Variants in SH2D4B observed in about 807,000 individuals in gnomAD.
SH2D4B encodes SH2 domain-containing protein 4B.
Under a neutral mutation model 61.5 loss-of-function variants are expected in SH2D4B, and 45 were observed. That is an observed-to-expected ratio of 0.73 (90% CI 0.58 to 0.94). The LOEUF (loss-of-function observed/expected upper bound fraction) is 0.94, where lower values mean the gene tolerates loss of function less well. Among genes scored for constraint, SH2D4B ranks in the 40% least tolerant of loss-of-function variants. The probability of loss-of-function intolerance (pLI) is 0.00; values close to 1 mark genes in which losing one functional copy is unlikely to be tolerated. For missense variants in SH2D4B, 572 were observed against 574.2 expected (o/e 1.00, Z 0.04); for synonymous variants, 224 against 220.4 (o/e 1.02, Z -0.14).
intron 4 of SH2D4B, among the ~76,000 whole-genome samples, chr10:80,590,535 C>T (rs1196201358): frequency 6.6e-6 from 1 of 152,082 alleles, no homozygotes; most frequent in Admixed American, 6.5e-5. Flanking sequence ...AGGCTAGTGA[C>T]GCGATCTGGC....
At chr10:80,563,045 G>A (rs111795678) in intron 1 of SH2D4B, among the ~76,000 whole-genome samples, 1 of 151,306 alleles carries the variant, frequency 6.6e-6, no homozygotes, top group South Asian at 2.1e-4. Context: ...GGGACTACAG[G>A]CGCCTGCCAC....
intron 1 of SH2D4B, among the ~76,000 whole-genome samples, chr10:80,549,299 G>A (rs1221478262): frequency 6.6e-6 from 1 of 152,008 alleles, no homozygotes; most frequent in Admixed American, 6.6e-5. Flanking sequence ...GCTGGGGCCA[G>A]ACCTTTCTGT....
intron 1 of SH2D4B, among the ~76,000 whole-genome samples, chr10:80,568,568 C>G (rs1262012132): frequency 2.0e-5 from 3 of 152,178 alleles, no homozygotes; most frequent in Non-Finnish European, 4.4e-5. Context: ...ACCATAAGAA[C>G]TTCACAGAGC....
intron 1 of SH2D4B, among the ~76,000 whole-genome samples, chr10:80,566,320 G>A (rs1390606578): frequency 1.4e-5 from 2 of 139,218 alleles, no homozygotes; most frequent in Non-Finnish European, 3.1e-5. Flanking sequence ...TTTTGAGACC[G>A]AGTCTCACTC....
In SH2D4B at chr10:80,609,479, T is replaced by C. The variant is rs1842567771; in HGVS notation, c.916T>C (p.Phe306Leu). 8.1e-6 allele frequency: 13 copies of C among 1,614,124 alleles called. No homozygotes were observed. The highest frequency in any genetic ancestry group is 1.7e-5 in the Admixed American group (1 of 60,026). ...PVSRDVIVRWFKEEQLPRRAG... is the reference protein window; with the variant it reads ...PVSRDVIVRWLKEEQLPRRAG... The stretch of plus-strand genomic sequence containing the variant: ...CTCCAGAGATGTCATCGTCCGCTGG[T>C]TTAAGGAGGAGCAGCTGCCTCGCCG... The change falls in exon 6 of 8, where the codon TTT (phenylalanine) becomes CTT (leucine). Residue 306 changes from phenylalanine (F) to leucine (L), a missense_variant. Transcript: ENST00000646907.
chr10:80,539,287 T>C lies in SH2D4B; in HGVS notation c.184+772T>C, dbSNP rs571242789. Among the ~76,000 whole-genome samples the C allele has an allele frequency of 1.5e-4, 23 of 152,202 alleles. No individual in the cohort carries two copies. The highest frequency in any genetic ancestry group is 2.2e-4 in the African/African-American group (9 of 41,464). ...GCACAGGACTCAATCCTGCCAGGGA[T>C]TGTAGTTTCTGTGGATGCTGCATGC... On this transcript the variant is annotated intron_variant, in intron 1 of 7. Transcript: ENST00000646907. The surrounding 1 kb of genome is among the most constrained non-coding windows in gnomAD (Gnocchi z 4.9).
In SH2D4B at chr10:80,539,844, C is replaced by T. The variant is rs559634994; in HGVS notation, c.184+1329C>T. On this transcript the variant is annotated intron_variant, in intron 1 of 7. Coordinates refer to ENST00000646907, the MANE Select transcript of SH2D4B (RefSeq NM_001388272.1). This position sits in a 1 kb window ranked among gnomAD's most constrained non-coding sequence, Gnocchi z 4.9. Reference sequence around the variant, plus strand: ...TTGTTTTGAACAAGACACAGCAGGACCCTGCCGGGGAGGTTGGGGCAGAGC... The same window carrying T: ...TTGTTTTGAACAAGACACAGCAGGATCCTGCCGGGGAGGTTGGGGCAGAGC... 7.9e-5 allele frequency among the ~76,000 whole-genome samples: 12 copies of T among 152,280 alleles called. No homozygotes were observed. In the South Asian group the frequency reaches 2.5e-3, roughly 32 times the overall value.
At chr10:80,598,579 G>T (rs1341116852) in intron 4 of SH2D4B, among the ~76,000 whole-genome samples, 2 of 152,086 alleles carry the variant, frequency 1.3e-5, no homozygotes, top group East Asian at 1.9e-4. Flanking sequence ...GATATAGTGG[G>T]CCATTAATCT....
At chr10:80,579,137 C>T (rs947670033) in intron 3 of SH2D4B, among the ~76,000 whole-genome samples, 1 of 152,042 alleles carries the variant, frequency 6.6e-6, no homozygotes, top group Non-Finnish European at 1.5e-5. Flanking sequence ...GGTGAAAAGC[C>T]TGGTGATGGA....
rs59438371 is a variant in SH2D4B at position 80,549,203 on chromosome 10, T to TGTGTGTGTGTG, written c.184+10688_184+10689insGTGTGTGTGTG. ...CTCCGAGAGCTGTGATGGGACTTGATTGTGTGTGTGTGTGTGTGTGTGTGT... is the reference window on the plus strand; with the variant it reads ...CTCCGAGAGCTGTGATGGGACTTGATGTGTGTGTGTGTGTGTGTGTGTGTGTGTGTGTGTGT... On this transcript the variant is annotated intron_variant, in intron 1 of 7. Coordinates refer to ENST00000646907, the MANE Select transcript of SH2D4B (RefSeq NM_001388272.1). 3.7e-3 allele frequency among the ~76,000 whole-genome samples: 450 copies of TGTGTGTGTGTG among 120,294 alleles called. 3 individuals are homozygous for TGTGTGTGTGTG. Among genetic ancestry groups the TGTGTGTGTGTG allele is most frequent in the African/African-American group, 0.013 (343 of 25,440 alleles). 78.9% of individuals were successfully genotyped at this position (120,294 alleles called of 152,430 possible). A position where few individuals can be genotyped will look rare whatever the true frequency, so the allele number is the denominator to read the frequency against.
Position 80,538,371 on chromosome 10 carries a change from G to T in SH2D4B, c.40G>T (p.Glu14Ter). 1 of 1,404,580 alleles carries T rather than the reference G, an allele frequency of 7.1e-7. No individual in the cohort carries two copies. The highest frequency in any genetic ancestry group is 9.3e-7 in the Non-Finnish European group (1 of 1,074,116). 87.0% of individuals were successfully genotyped at this position (1,404,580 alleles called of 1,614,324 possible). ...QILHDMYIDP[E>*]LLAELSDVQK... Reference sequence around the variant, plus strand: ...CCTGCACGACATGTACATCGACCCCGAGCTCCTTGCCGAGCTCAGCGATGT... The same window carrying T: ...CCTGCACGACATGTACATCGACCCCTAGCTCCTTGCCGAGCTCAGCGATGT... Residue 14 changes from glutamate (E) to a stop codon, truncating the protein, a stop_gained, in exon 1 of 8, where the codon GAG (glutamate) becomes TAG (stop). Coordinates refer to ENST00000646907, the MANE Select transcript of SH2D4B (RefSeq NM_001388272.1). LOFTEE classifies it high-confidence loss of function. This position sits in a 1 kb window ranked among gnomAD's most constrained non-coding sequence, Gnocchi z 4.8.
At chr10:80,582,911 AG>A (rs376766149) in intron 3 of SH2D4B, among the ~76,000 whole-genome samples, 76 of 152,252 alleles carry the variant, frequency 5.0e-4, no homozygotes, top group Middle Eastern at 3.4e-3. Flanking sequence ...ATCTCAGAGG[AG>A]GGGCCTCTAG....
Position 80,603,601 on chromosome 10 carries a change from T to G in SH2D4B, c.666T>G (p.Asp222Glu), listed in dbSNP as rs781677060. ...CAGTGCGCCGGTCCAAGGCGGCTGA[T>G]GAGGAGAGGAGCCGCCGAGCCCAGC... ...EEQLRRSKAADEERSRRAQRA... is the reference protein window; with the variant it reads ...EEQLRRSKAAEEERSRRAQRA... The change falls in exon 5 of 8, where the codon GAT becomes GAG. Residue 222 changes from aspartate (D) to glutamate (E), a missense_variant. Asp to Glu is a conservative substitution (Grantham distance 45). Transcript: ENST00000646907. 1.3e-6 allele frequency: 2 copies of G among 1,567,876 alleles called. No individual in the cohort carries two copies. Among genetic ancestry groups the G allele is most frequent in the Non-Finnish European group, 1.7e-6 (2 of 1,156,294 alleles).
chr10:80,549,268 C>A (rs1403904755), intron 1 of SH2D4B, among the ~76,000 whole-genome samples: 2 of 150,050 alleles, frequency 1.3e-5, no homozygotes, highest in East Asian at 3.9e-4. Context: ...GTTCTGCTGG[C>A]GTTTGGGGCA....
chr10:80,557,814 T>A (rs1296114408), intron 1 of SH2D4B, among the ~76,000 whole-genome samples: 1 of 152,136 alleles, frequency 6.6e-6, no homozygotes, highest in African/African-American at 2.4e-5. Context: ...GGTTTCTTTT[T>A]GTTTCTCTGT....
At chr10:80,570,066 G>A (rs72805711) in intron 1 of SH2D4B, 88 bp from the exon 2 acceptor site, 42,728 of 1,475,674 alleles carry the variant, frequency 0.029, 811 homozygotes, top group Middle Eastern at 0.046. Context: ...ATAGAGTGAT[G>A]TGATGGTTGT....
At chr10:80,545,851 C>G (rs1002465099) in intron 1 of SH2D4B, among the ~76,000 whole-genome samples, 6 of 152,104 alleles carry the variant, frequency 3.9e-5, no homozygotes, top group Admixed American at 3.9e-4. Flanking sequence ...CATCAAAAAT[C>G]CTCACTAAAA....
Position 80,538,484 on chromosome 10 carries a change from C to T in SH2D4B, c.153C>T (p.Asp51=), listed in dbSNP as rs377586305. ...AGACTTGGGAGGCCCTGGCCCAGGA[C>T]GAGGGTCTCAGGCCTCCAAAGACCA... is the stretch of plus-strand genomic sequence containing the variant. ...ERETWEALAQ[D]EGLRPPKTKR... The change falls in exon 1 of 8, where the codon GAC becomes GAT. Residue 51 remains aspartate (D), a synonymous_variant. Transcript: ENST00000646907. This position sits in a 1 kb window ranked among gnomAD's most constrained non-coding sequence, Gnocchi z 4.8. 6.7e-5 allele frequency: 97 copies of T among 1,447,258 alleles called. No individual in the cohort carries two copies. Among genetic ancestry groups the T allele is most frequent in the Non-Finnish European group, 8.0e-5 (88 of 1,099,808 alleles). The allele number at this position is 1,447,258 out of a possible 1,614,324, so 89.7% of individuals were successfully genotyped here.
chr10:80,558,036 A>G (rs1188837595), intron 1 of SH2D4B, among the ~76,000 whole-genome samples: 1 of 152,004 alleles, frequency 6.6e-6, no homozygotes, highest in Non-Finnish European at 1.5e-5. Flanking sequence ...GTTATTTAAA[A>G]TATTTCTTCA....
Sources: gnomAD v4.1 joint callset for allele counts (sites outside exome capture counted in the v4.1 genomes callset) on GRCh38, gnomAD v4.1.1 for gene constraint, Gnocchi (gnomAD v3.1) non-coding constraint, MANE v1.5 for transcripts, NCBI Gene and HGNC (gene_info 2026-07-23, HGNC 2026-07-21) for gene names.